Variants in KANSL1L observed in about 807,000 individuals in gnomAD.
KANSL1L encodes the protein KAT8 regulatory NSL complex subunit 1-like protein.
In KANSL1L, 25 loss-of-function variants were observed where a neutral mutation model predicts 108.6. The ratio of observed to expected loss-of-function variants is 0.23; its 90% confidence interval spans 0.17 to 0.32. The LOEUF (loss-of-function observed/expected upper bound fraction) is 0.32. KANSL1L is among the 10% of genes least tolerant of loss of function. The pLI is 1.00. For synonymous variants in KANSL1L, 405 were observed against 395.1 expected, an observed-to-expected ratio of 1.03 and a Z score of -0.30; for missense variants, 1,137 against 1,125.7, an observed-to-expected ratio of 1.01 and a Z score of -0.14.
chr2:210,093,435 C>T (rs924455423), intron 5 of KANSL1L, among the ~76,000 whole-genome samples: 1 of 152,162 alleles, frequency 6.6e-6, no homozygotes, highest in African/African-American at 2.4e-5. Context: ...CATGAGGAAT[C>T]TCAACTGGCC....
At chr2:210,123,993 T>G (rs1306743420) in intron 3 of KANSL1L, among the ~76,000 whole-genome samples, 1 of 152,056 alleles carries the variant, frequency 6.6e-6, no homozygotes. Context: ...TAAGAGACAA[T>G]TAAAACATAT....
Position 210,079,642 on chromosome 2 carries a change from A to ATATGTATGTG in KANSL1L, c.1551-3887_1551-3886insCACATACATA, listed in dbSNP as rs1553653215. Among the ~76,000 whole-genome samples the ATATGTATGTG allele has an allele frequency of 2.9e-3, 19 of 6,482 alleles. 1 individual carries two copies. Among genetic ancestry groups the ATATGTATGTG allele is most frequent in the East Asian group, 0.02 (1 of 50 alleles). The allele number at this position is 6,482 out of a possible 152,430, so 4.3% of individuals were successfully genotyped here. On this transcript the variant is annotated intron_variant, in intron 5 of 14. Transcript: ENST00000281772. ...TATATATATATATATATATATATAT[A>ATATGTATGTG]TATATATATATATATATATATATGT...
intron 8 of KANSL1L, chr2:210,033,040 G>A (rs1272900191): frequency 6.6e-6 from 1 of 152,200 alleles, no homozygotes; most frequent in East Asian, 1.9e-4. Flanking sequence ...TCAGGGTCTG[G>A]AAGAGGAATT....
intron 6 of KANSL1L, among the ~76,000 whole-genome samples, chr2:210,050,538 G>A (rs1185607648): frequency 1.3e-5 from 2 of 151,926 alleles, no homozygotes; most frequent in Admixed American, 1.3e-4. Context: ...TCCCTTATCT[G>A]CAGGGGATAC....
In KANSL1L at chr2:210,054,274, A is replaced by G. The variant is rs1037843703; in HGVS notation, c.1756-10170T>C. ...GAGGCGGAGCTTCCAGTGAGCCAAG[A>G]TCACACCACTGTACTCCAGCCTGGG... On this transcript the variant is annotated intron_variant, in intron 6 of 14. Transcript: ENST00000281772. Among the ~76,000 whole-genome samples, 70 of 151,746 alleles carry G rather than the reference A, an allele frequency of 4.6e-4. 1 individual carries two copies. Among genetic ancestry groups the G allele is most frequent in the Non-Finnish European group, 1.5e-4 (10 of 67,958 alleles).
intron 4 of KANSL1L, among the ~76,000 whole-genome samples, chr2:210,103,022 G>T (rs2094809840): frequency 6.6e-6 from 1 of 152,168 alleles, no homozygotes; most frequent in Non-Finnish European, 1.5e-5. Flanking sequence ...GTACACGTAT[G>T]CTTATTGAGG....
chr2:210,142,907 C>G (rs1048120618), intron 2 of KANSL1L, among the ~76,000 whole-genome samples: 6 of 152,066 alleles, frequency 3.9e-5, no homozygotes, highest in Non-Finnish European at 8.8e-5. Flanking sequence ...CACTTGAAAA[C>G]AATGTGTATT....
chr2:210,089,399 G>A (rs2094670673), intron 5 of KANSL1L, among the ~76,000 whole-genome samples: 1 of 151,994 alleles, frequency 6.6e-6, no homozygotes, highest in African/African-American at 2.4e-5. Context: ...ATACATATTA[G>A]GTTGGATTGG....
rs529696213 is a variant in KANSL1L at position 210,105,552 on chromosome 2, C to A, written c.1231-1251G>T. On this transcript the variant is annotated intron_variant, in intron 3 of 14. Transcript: ENST00000281772. Reference sequence around the variant, plus strand: ...TTAAATGATTGCTGTGGGCCACCTACATCATGCATAAGTCTTATTTATAAG... The same window carrying A: ...TTAAATGATTGCTGTGGGCCACCTAAATCATGCATAAGTCTTATTTATAAG... 2.1e-3 allele frequency among the ~76,000 whole-genome samples: 321 copies of A among 151,572 alleles called. 1 individual carries two copies. The highest frequency in any genetic ancestry group is 5.1e-3 in the Admixed American group (78 of 15,220).
intron 2 of KANSL1L, among the ~76,000 whole-genome samples, chr2:210,134,235 G>C (rs370785452): frequency 2.0e-5 from 3 of 152,014 alleles, no homozygotes; most frequent in East Asian, 3.9e-4. Context: ...AACGTTCAAT[G>C]GTTCTTTATA....
At chr2:210,166,071 A>G (rs1455311640) in intron 1 of KANSL1L, among the ~76,000 whole-genome samples, 1 of 152,218 alleles carries the variant, frequency 6.6e-6, no homozygotes, top group Non-Finnish European at 1.5e-5. Context: ...TTCAGGTACC[A>G]CTGGGGATCT....
chr2:210,072,410 T>C (rs984541038), intron 6 of KANSL1L, among the ~76,000 whole-genome samples: 1 of 152,198 alleles, frequency 6.6e-6, no homozygotes, highest in Non-Finnish European at 1.5e-5. Flanking sequence ...TCTGTATATA[T>C]AGTTACTATA....
chr2:210,027,334 G>A lies in KANSL1L; in HGVS notation c.2413C>T (p.Leu805Phe). ...AAATTATATTCATCCAAAGGCTGAA[G>A]AACAACCATCCTCCAGCTGTTGAAG... Reference protein sequence around the residue: ...ILTPSWRMVVLQPLDEYNLGK... With the variant: ...ILTPSWRMVVFQPLDEYNLGK... Residue 805 changes from leucine to phenylalanine, a missense_variant, in exon 12 of 15, where the codon CTT (leucine) becomes TTT (phenylalanine). Physicochemically the swap from Leu to Phe is conservative, Grantham distance 22. Around this residue, in one of 3 missense-constraint regions of KANSL1L, gnomAD observed 575 missense variants for 567.1 expected, o/e 1.01. Transcript: ENST00000281772. The A allele has an allele frequency of 6.2e-7, 1 of 1,612,672 alleles. No individual in the cohort carries two copies. The highest frequency in any genetic ancestry group is 8.5e-7 in the Non-Finnish European group (1 of 1,178,834).
chr2:210,107,679 C>T (rs970143563), intron 3 of KANSL1L, among the ~76,000 whole-genome samples: 1 of 151,900 alleles, frequency 6.6e-6, no homozygotes, highest in Admixed American at 6.6e-5. Flanking sequence ...CAGGTGCCCG[C>T]CACCACGCCC....
At chr2:210,102,090 C>G (rs539776986) in intron 4 of KANSL1L, among the ~76,000 whole-genome samples, 1 of 152,252 alleles carries the variant, frequency 6.6e-6, no homozygotes, top group Admixed American at 6.5e-5. Context: ...TGGCAAAGAT[C>G]AGATGGTTGT....
intron 8 of KANSL1L, chr2:210,035,216 CCATAACTTT>C (rs1316813861): frequency 1.3e-5 from 2 of 152,202 alleles, no homozygotes; most frequent in African/African-American, 2.4e-5. Flanking sequence ...CCACTGTCTT[CCATAACTTT>C]CATAACTTTG....
chr2:210,036,740 C>T (rs933037591), intron 8 of KANSL1L, among the ~76,000 whole-genome samples: 5 of 152,054 alleles, frequency 3.3e-5, no homozygotes, highest in Admixed American at 3.3e-4. Flanking sequence ...TAATTGTGTG[C>T]CTAACACGTT....
At chr2:210,110,366 A>G (rs1055773171) in intron 3 of KANSL1L, among the ~76,000 whole-genome samples, 1 of 152,222 alleles carries the variant, frequency 6.6e-6, no homozygotes, top group Non-Finnish European at 1.5e-5. Context: ...TCTCAATCCT[A>G]TCTCTTATCA....
Position 210,071,229 on chromosome 2 carries a change from C to A in KANSL1L, c.1755+4323G>T, listed in dbSNP as rs151093903. Among the ~76,000 whole-genome samples, 384 of 152,030 alleles carry A rather than the reference C, an allele frequency of 2.5e-3. 10 individuals are homozygous for A. The highest frequency in any genetic ancestry group is 0.024 in the Admixed American group (361 of 15,276). On this transcript the variant is annotated intron_variant, in intron 6 of 14. Transcript: ENST00000281772. The stretch of plus-strand genomic sequence containing the variant: ...GTTTATGTGGCATTCATCCTGTATG[C>A]ATGCATCTGTGTCTAAATTCCCCCT...
Sources: allele counts gnomAD v4.1 joint callset (sites outside exome capture counted in the v4.1 genomes callset), GRCh38; gene constraint gnomAD v4.1.1; regional missense constraint gnomAD v4.1.1; transcripts MANE v1.5; gene names NCBI Gene and HGNC (gene_info 2026-07-23, HGNC 2026-07-21).